Variants in KIF15 observed in about 807,000 individuals in gnomAD.
The protein encoded by KIF15 is kinesin family member 15.
In KIF15, 140 loss-of-function variants were observed where a neutral mutation model predicts 190.6. That is an observed-to-expected ratio of 0.73 (90% CI 0.64 to 0.84). The LOEUF (loss-of-function observed/expected upper bound fraction) is 0.84. Ranked by LOEUF, KIF15 falls within the 40% of genes least tolerant of loss-of-function variation. The probability of loss-of-function intolerance (pLI) is 0.00; values close to 1 mark genes in which losing one functional copy is unlikely to be tolerated. For missense variants in KIF15, 1,372 were observed against 1,584.4 expected, an observed-to-expected ratio of 0.87 and a Z score of 2.28; for synonymous variants, 528 against 551.3, an observed-to-expected ratio of 0.96 and a Z score of 0.59.
chr3:44,838,486 G>C (rs1269172486), intron 27 of KIF15, 65 bp downstream of exon 27: 1 of 1,519,018 alleles, frequency 6.6e-7, no homozygotes, highest in Non-Finnish European at 8.9e-7. Flanking sequence ...GCTCACTCCT[G>C]TAATCCCAGC....
chr3:44,810,695 C>T (rs1468442094), intron 16 of KIF15, 151 bp from the exon 17 acceptor site: 8 of 610,188 alleles, frequency 1.3e-5, no homozygotes, highest in East Asian at 8.8e-5. Context: ...AATTTATTTC[C>T]ACTTGGGCAT....
At chr3:44,813,310 C>T (rs1707880171) in intron 19 of KIF15, 130 bp downstream of exon 19, 2 of 566,760 alleles carry the variant, frequency 3.5e-6, no homozygotes, top group African/African-American at 2.0e-5. Context: ...GTTTGATAAC[C>T]AGACTGCAGT....
chr3:44,830,754 T>C (rs1698028999), intron 25 of KIF15, 142 bp from the exon 26 acceptor site: 4 of 798,080 alleles, frequency 5.0e-6, no homozygotes, highest in Non-Finnish European at 7.6e-6. Flanking sequence ...CACTTATTCT[T>C]CTATTCCTTC....
chr3:44,808,810 A>G (rs895500820), intron 16 of KIF15, among the ~76,000 whole-genome samples: 2 of 152,116 alleles, frequency 1.3e-5, no homozygotes, highest in African/African-American at 4.8e-5. Flanking sequence ...GATCCAAGGC[A>G]TCTCCTTTGA....
chr3:44,813,236 T>C, intron 19 of KIF15, 56 bp downstream of exon 19: 1 of 966,278 alleles, frequency 1.0e-6, no homozygotes, highest in Non-Finnish European at 1.6e-6. Flanking sequence ...ACTCAATATC[T>C]TTTTACTTTT....
At chr3:44,845,516 T>TAA (rs371915410) in intron 30 of KIF15, among the ~76,000 whole-genome samples, 2 of 146,934 alleles carry the variant, frequency 1.4e-5, no homozygotes, top group African/African-American at 5.0e-5. Context: ...CTCTGGCACC[T>TAA]AAAAAAAAAA....
intron 6 of KIF15, among the ~76,000 whole-genome samples, chr3:44,867,994 A>G (rs1161589626): frequency 1.3e-5 from 2 of 152,186 alleles, no homozygotes; most frequent in African/African-American, 4.8e-5. Flanking sequence ...TCTTTTTAAA[A>G]GTGTGCAATT....
chr3:44,860,472 A>G (rs548754726), intron 6 of KIF15, among the ~76,000 whole-genome samples: 6 of 152,044 alleles, frequency 3.9e-5, no homozygotes, highest in Non-Finnish European at 8.8e-5. Context: ...CTGGGTTCAA[A>G]CAATTCTCTG....
intron 19 of KIF15, 26 bp downstream of exon 19, chr3:44,813,206 T>C (rs1398018755): frequency 7.7e-7 from 1 of 1,304,276 alleles, no homozygotes; most frequent in Non-Finnish European, 1.1e-6. Flanking sequence ...AGGAGCTTTG[T>C]GACTTGAAGG....
chr3:44,802,952 G>T lies in KIF15; in HGVS notation c.1648G>T (p.Ala550Ser), dbSNP rs377483513. The stretch of plus-strand genomic sequence containing the variant: ...CCAGACCATTGCAAAACTAGAAAAA[G>T]CTTTCTCTGAAATAAGTGGCATGGA... ...DAQTIAKLEK[A>S]FSEISGMEKS... Residue 550 changes from alanine (A) to serine (S), a missense_variant, in exon 14 of 35, where the codon GCT becomes TCT. Ala to Ser is a moderately conservative substitution (Grantham distance 99, BLOSUM62 1). Transcript: ENST00000326047. 2 of 1,603,162 alleles carry T rather than the reference G, an allele frequency of 1.2e-6. No individual in the cohort carries two copies. Among genetic ancestry groups the T allele is most frequent in the Non-Finnish European group, 1.7e-6 (2 of 1,177,468 alleles).
At position 44,777,490 on chromosome 3, in the gene KIF15, G is replaced by C. The variant is rs186112162; in HGVS notation, c.247-625G>C. Among the ~76,000 whole-genome samples the C allele has an allele frequency of 7.9e-5, 12 of 152,204 alleles. No individual in the cohort carries two copies. The East Asian group carries it at 1.7e-3, about 22-fold the overall frequency. On this transcript the variant is annotated intron_variant, in intron 3 of 34. Transcript: ENST00000326047. ...GGGCGGATCACGAGGTCAGGAGTTT[G>C]AGACTAGCCTGACTAACATGGTGAA...
In KIF15 at chr3:44,852,825, C is replaced by A; in HGVS notation, c.*90C>A. 1 of 995,134 alleles carries A rather than the reference C, an allele frequency of 1.0e-6. No homozygotes were observed. Among genetic ancestry groups the A allele is most frequent in the Non-Finnish European group, 1.5e-6 (1 of 667,116 alleles). 61.6% of individuals were successfully genotyped at this position (995,134 alleles called of 1,614,324 possible). Reference sequence around the variant, plus strand: ...ACCTACTCCTGGCCACTTAGGAGAGCTGAATTTATGGACCTTAATTATTAA... The same window carrying A: ...ACCTACTCCTGGCCACTTAGGAGAGATGAATTTATGGACCTTAATTATTAA... On this transcript the variant is annotated 3_prime_UTR_variant, in exon 35 of 35. Transcript: ENST00000326047.
At position 44,802,081 on chromosome 3, in the gene KIF15, T is replaced by C. The variant is rs1018556925; in HGVS notation, c.1509+107T>C. On this transcript the variant is annotated intron_variant, in intron 13 of 34. Transcript: ENST00000326047. ...TTAATACAATGGAAATTGTTTTAAG[T>C]GAATTCTTCTGACAGTGTGATTGCA... 6 of 716,152 alleles carry C rather than the reference T, an allele frequency of 8.4e-6. No homozygotes were observed. In the Admixed American group the frequency reaches 1.7e-4, roughly 21 times the overall value. 44.4% of individuals were successfully genotyped at this position (716,152 alleles called of 1,614,324 possible).
chr3:44,848,193 A>T (rs1698934781), intron 31 of KIF15, 136 bp downstream of exon 31: 1 of 635,798 alleles, frequency 1.6e-6, no homozygotes, highest in Non-Finnish European at 2.7e-6. Flanking sequence ...GTTTAGCATG[A>T]TATTTACCAT....
chr3:44,861,081 T>A (rs1050398403), intron 6 of KIF15, among the ~76,000 whole-genome samples: 7 of 152,146 alleles, frequency 4.6e-5, no homozygotes, highest in African/African-American at 1.7e-4. Flanking sequence ...AACCTTCACC[T>A]CCCAGGTTCA....
chr3:44,778,909 G>A (rs1706025393), intron 4 of KIF15, among the ~76,000 whole-genome samples: 1 of 143,580 alleles, frequency 7.0e-6, no homozygotes, highest in African/African-American at 2.6e-5. Flanking sequence ...GAACCCAGGA[G>A]GCAGAGGTTG....
At chr3:44,847,882 C>T (rs1698918015) in intron 30 of KIF15, 103 bp from the exon 31 acceptor site, 4 of 788,164 alleles carry the variant, frequency 5.1e-6, no homozygotes, top group South Asian at 1.7e-5. Context: ...TCTTTGTACA[C>T]CTTGGCATTG....
At position 44,828,299 on chromosome 3, in the gene KIF15, A is replaced by G; in HGVS notation, c.2942A>G (p.Lys981Arg). The G allele has an allele frequency of 6.2e-7, 1 of 1,601,996 alleles. No individual in the cohort carries two copies. ...CTGGAAAAGTCTAGAGATTCTGATA[A>G]GGTTGGTAGAGTTTGAAGCTACATC... ...SSLEKSRDSD[K>R]KVVADLMNQI... Residue 981 changes from lysine (K) to arginine (R), a missense_variant and splice_region_variant, in exon 24 of 35, where the codon AAG (lysine) becomes AGG (arginine). Transcript: ENST00000326047.
intron 8 of KIF15, among the ~76,000 whole-genome samples, chr3:44,794,872 G>C (rs897507986): frequency 1.4e-4 from 21 of 152,128 alleles, no homozygotes; most frequent in African/African-American, 5.1e-4. Flanking sequence ...TGAGGCAGGA[G>C]AATCACTTGA....
Sources: allele counts gnomAD v4.1 joint callset (sites outside exome capture counted in the v4.1 genomes callset), GRCh38; gene constraint gnomAD v4.1.1; transcripts MANE v1.5; gene names NCBI Gene and HGNC (gene_info 2026-07-23, HGNC 2026-07-21).